The following LMO3 variants were observed in gnomAD, a reference collection of about 807,000 sequenced individuals.
LMO3 encodes the protein LIM domain only protein 3.
LMO3 carries 2 observed loss-of-function variants against 15.8 expected under a neutral mutation model. That is an observed-to-expected ratio of 0.13 (90% CI 0.05 to 0.40). LMO3 has a LOEUF of 0.40. Ranked by LOEUF, LMO3 falls within the 10% of genes least tolerant of loss-of-function variation. LMO3 has a pLI of 0.99. For synonymous variants in LMO3, 62 were observed against 63.8 expected (o/e 0.97, Z 0.13); for missense variants, 86 against 182.2 (o/e 0.47, Z 3.04).
chr12:16,557,251 G>A (rs1268463397), intron 3 of LMO3, among the ~76,000 whole-genome samples: 1 of 151,954 alleles, frequency 6.6e-6, no homozygotes, highest in African/African-American at 2.4e-5. Context: ...ATGGACAAAG[G>A]ACATAAACTG....
chr12:16,561,869 T>C (rs970035444), intron 2 of LMO3, among the ~76,000 whole-genome samples: 5 of 152,202 alleles, frequency 3.3e-5, no homozygotes, highest in African/African-American at 1.2e-4. Flanking sequence ...AAACAATAAA[T>C]GCATTTTAAA....
At chr12:16,600,009 A>T (rs1329351370) in intron 2 of LMO3, 1 of 152,132 alleles carries the variant, frequency 6.6e-6, no homozygotes, top group Non-Finnish European at 1.5e-5. Flanking sequence ...CGAGAGGAAG[A>T]TGTATCTACA....
intron 2 of LMO3, among the ~76,000 whole-genome samples, chr12:16,566,306 G>C (rs559880176): frequency 6.6e-6 from 1 of 151,816 alleles, no homozygotes; most frequent in South Asian, 2.1e-4. Flanking sequence ...TGACAGTTAA[G>C]AGAAATAAGT....
Position 16,604,766 on chromosome 12 carries a change from T to C in LMO3, c.-9+1300A>G. ...TTACAACAATAATATTTCGGTTCTT[T>C]CAGAAAGACACAAAAGCAGCGGAAA... On this transcript the variant is annotated intron_variant, in intron 1 of 3. Coordinates refer to ENST00000537304, the MANE Select transcript of LMO3 (RefSeq NM_018640.5). The surrounding 1 kb of genome is among the most constrained non-coding windows in gnomAD (Gnocchi z 5.3). 1 of 1,343,436 alleles carries C rather than the reference T, an allele frequency of 7.4e-7. No individual in the cohort carries two copies. The highest frequency in any genetic ancestry group is 1.4e-5 in the African/African-American group (1 of 69,558). The allele number at this position is 1,343,436 out of a possible 1,614,324, so 83.2% of individuals were successfully genotyped here. A position where few individuals can be genotyped will look rare whatever the true frequency, so the allele number is the denominator to read the frequency against.
chr12:16,600,290 C>CCAAAAAAAA (rs1943780390), intron 2 of LMO3: 1 of 96,430 alleles, frequency 1.0e-5, no homozygotes. Context: ...CCCTTAAGCT[C>CCAAAAAAAA]CAAAAAAAAA....
intron 2 of LMO3, among the ~76,000 whole-genome samples, chr12:16,566,279 G>T (rs945607774): frequency 6.6e-6 from 1 of 151,424 alleles, no homozygotes; most frequent in Non-Finnish European, 1.5e-5. Flanking sequence ...GGGAGAGATT[G>T]GTCAATGGGG....
At position 16,597,372 on chromosome 12, in the gene LMO3, A is replaced by G. The variant is rs1457415271; in HGVS notation, c.206+3283T>C. On this transcript the variant is annotated intron_variant, in intron 2 of 3. Transcript: ENST00000537304. The surrounding 1 kb of genome is among the most constrained non-coding windows in gnomAD (Gnocchi z 5.0). The stretch of plus-strand genomic sequence containing the variant: ...ACAGTCTAAATTATTATATTTTCAT[A>G]TTATTTAATATCTCAAATCATCATT... 6.6e-6 allele frequency among the ~76,000 whole-genome samples: 1 copy of G among 151,780 alleles called. No homozygotes were observed. Among genetic ancestry groups the G allele is most frequent in the African/African-American group, 2.4e-5 (1 of 41,428 alleles).
At chr12:16,605,310 A>G (rs963873697) in intron 1 of LMO3, 7 of 1,168,260 alleles carry the variant, frequency 6.0e-6, no homozygotes, top group East Asian at 5.1e-5. Flanking sequence ...CTTGTATTTC[A>G]TAACAGCAAT....
intron 2 of LMO3, among the ~76,000 whole-genome samples, chr12:16,561,356 A>T (rs1001550139): frequency 1.3e-5 from 2 of 152,204 alleles, no homozygotes; most frequent in African/African-American, 4.8e-5. Context: ...GAGGGGAAGA[A>T]TTATTACAAA....
Position 16,603,272 on chromosome 12 carries a change from G to A in LMO3, c.-8-2404C>T, listed in dbSNP as rs1299622482. Reference sequence around the variant, plus strand: ...GTTTGATATTTCACACTCCATCCTGGTACCTTATTTGAAGAACATCATGGC... The same window carrying A: ...GTTTGATATTTCACACTCCATCCTGATACCTTATTTGAAGAACATCATGGC... On this transcript the variant is annotated intron_variant, in intron 1 of 3. Transcript: ENST00000537304. This position sits in a 1 kb window ranked among gnomAD's most constrained non-coding sequence, Gnocchi z 4.9. Among the ~76,000 whole-genome samples the A allele has an allele frequency of 6.6e-6, 1 of 152,154 alleles. No individual in the cohort carries two copies. The highest frequency in any genetic ancestry group is 1.9e-4 in the East Asian group (1 of 5,198).
chr12:16,578,398 T>A (rs1377092562), intron 2 of LMO3, among the ~76,000 whole-genome samples: 1 of 151,848 alleles, frequency 6.6e-6, no homozygotes. Context: ...AGGGGAGGGG[T>A]CAGGTAGAAG....
rs756064587 is a variant in LMO3 at position 16,576,631 on chromosome 12, T to C, written c.207-16093A>G. On this transcript the variant is annotated intron_variant, in intron 2 of 3. Transcript: ENST00000537304. The surrounding 1 kb of genome is among the most constrained non-coding windows in gnomAD (Gnocchi z 4.1). ...ACTACATAATAAGCTCCCTGAAAAC[T>C]TGCCTTCTCCTTTACTCTGCACCTA... Among the ~76,000 whole-genome samples, 14 of 152,210 alleles carry C rather than the reference T, an allele frequency of 9.2e-5. No individual in the cohort carries two copies. Among genetic ancestry groups the C allele is most frequent in the Non-Finnish European group, 1.9e-4 (13 of 68,040 alleles).
chr12:16,597,126 T>C lies in LMO3; in HGVS notation c.206+3529A>G, dbSNP rs190240471. 1.9e-3 allele frequency among the ~76,000 whole-genome samples: 285 copies of C among 151,838 alleles called. 3 individuals are homozygous for C. The highest frequency in any genetic ancestry group is 6.3e-3 in the African/African-American group (263 of 41,538). ...TGGGCAAATTCTGTCTCATCAGATA[T>C]GTACATTTTATGTTCCACAGCTAAA... is the stretch of plus-strand genomic sequence containing the variant. On this transcript the variant is annotated intron_variant, in intron 2 of 3. Coordinates refer to ENST00000537304, the MANE Select transcript of LMO3 (RefSeq NM_018640.5). This position sits in a 1 kb window ranked among gnomAD's most constrained non-coding sequence, Gnocchi z 5.0.
chr12:16,578,788 A>G (rs1457209835), intron 2 of LMO3, among the ~76,000 whole-genome samples: 10 of 151,928 alleles, frequency 6.6e-5, no homozygotes. Context: ...ACTGAACTCC[A>G]GCCTGGGAGA....
At chr12:16,554,786 A>G (rs564641155) in intron 3 of LMO3, among the ~76,000 whole-genome samples, 1 of 152,284 alleles carries the variant, frequency 6.6e-6, no homozygotes, top group South Asian at 2.1e-4. Context: ...CCTCCCCAGT[A>G]GCTCTGACTA....
At chr12:16,594,251 C>T in intron 2 of LMO3, 1 of 1,529,086 alleles carries the variant, frequency 6.5e-7, no homozygotes, top group Non-Finnish European at 8.8e-7. Flanking sequence ...AGATCCACAC[C>T]TCTTCAAATG....
chr12:16,582,494 T>TAA lies in LMO3; in HGVS notation c.206+18160_206+18161insTT, dbSNP rs2137547632. Among the ~76,000 whole-genome samples the TAA allele has an allele frequency of 6.6e-6, 1 of 152,328 alleles. No homozygotes were observed. The highest frequency in any genetic ancestry group is 1.5e-5 in the Non-Finnish European group (1 of 68,030). On this transcript the variant is annotated intron_variant, in intron 2 of 3. Coordinates refer to ENST00000537304, the MANE Select transcript of LMO3 (RefSeq NM_018640.5). The surrounding 1 kb of genome is among the most constrained non-coding windows in gnomAD (Gnocchi z 4.1). ...TTATGTTAGTTTTGCATAAGCTGCT[T>TAA]TACATATTTTGAACTTAAGCTTCCT...
In LMO3 at chr12:16,596,554, A is replaced by G. The variant is rs1943666642; in HGVS notation, c.206+4101T>C. Among the ~76,000 whole-genome samples the G allele has an allele frequency of 2.0e-5, 3 of 151,696 alleles. No individual in the cohort carries two copies. Among genetic ancestry groups the G allele is most frequent in the Non-Finnish European group, 4.4e-5 (3 of 67,636 alleles). ...AGAAAGAACAACAAAAAAATTGCCC[A>G]GAAGTTGAGTTCCAGTTACATTCTG... On this transcript the variant is annotated intron_variant, in intron 2 of 3. Coordinates refer to ENST00000537304, the MANE Select transcript of LMO3 (RefSeq NM_018640.5). The surrounding 1 kb of genome is among the most constrained non-coding windows in gnomAD (Gnocchi z 4.3).
At chr12:16,573,129 A>G (rs905480974) in intron 2 of LMO3, among the ~76,000 whole-genome samples, 1 of 152,026 alleles carries the variant, frequency 6.6e-6, no homozygotes, top group Non-Finnish European at 1.5e-5. Context: ...CAGTCAAATC[A>G]CAGATAGGAA....
Sources: gnomAD v4.1 joint callset for allele counts (sites outside exome capture counted in the v4.1 genomes callset) on GRCh38, gnomAD v4.1.1 for gene constraint, Gnocchi (gnomAD v3.1) non-coding constraint, MANE v1.5 for transcripts, NCBI Gene and HGNC (gene_info 2026-07-23, HGNC 2026-07-21) for gene names.